PDE10A: variants seen among roughly 807,000 people sequenced by gnomAD.
The protein encoded by PDE10A is cAMP and cAMP-inhibited cGMP 3',5'-cyclic phosphodiesterase 10A.
Under a neutral mutation model 97.7 loss-of-function variants are expected in PDE10A, and 39 were observed. That is an observed-to-expected ratio of 0.40 (90% confidence interval 0.31 to 0.52). The LOEUF (loss-of-function observed/expected upper bound fraction) is 0.52, where lower values mean the gene tolerates loss of function less well. Ranked by LOEUF, PDE10A falls within the 20% of genes least tolerant of loss-of-function variation. The pLI is 0.56. For missense variants in PDE10A, 731 were observed against 1,047.8 expected, an observed-to-expected ratio of 0.70 and a Z score of 4.17; for synonymous variants, 371 against 376.8, an observed-to-expected ratio of 0.98 and a Z score of 0.18.
intron 1 of PDE10A, among the ~76,000 whole-genome samples, chr6:165,549,204 G>C (rs1442800978): frequency 6.6e-6 from 1 of 152,118 alleles, no homozygotes; most frequent in Non-Finnish European, 1.5e-5. Flanking sequence ...TCAATTTCAG[G>C]AAAATGGAAC....
chr6:165,727,353 A>G (rs1792325302), intron 1 of PDE10A, among the ~76,000 whole-genome samples: 1 of 152,208 alleles, frequency 6.6e-6, no homozygotes, highest in Non-Finnish European at 1.5e-5. Flanking sequence ...AGTTTGTGAG[A>G]CAAATCCAGC....
chr6:165,692,722 G>A (rs1791336579), intron 1 of PDE10A, among the ~76,000 whole-genome samples: 1 of 152,190 alleles, frequency 6.6e-6, no homozygotes, highest in Admixed American at 6.5e-5. Flanking sequence ...CAGGTTTTAT[G>A]TGTAGGGAGA....
At chr6:165,675,498 C>T (rs1790768833) in intron 1 of PDE10A, among the ~76,000 whole-genome samples, 1 of 152,074 alleles carries the variant, frequency 6.6e-6, no homozygotes, top group Non-Finnish European at 1.5e-5. Flanking sequence ...GACTTGTGTT[C>T]TATATTTAAA....
chr6:165,974,365 A>T (rs976438610), intron 1 of PDE10A, among the ~76,000 whole-genome samples: 1 of 152,210 alleles, frequency 6.6e-6, no homozygotes, highest in Non-Finnish European at 1.5e-5. Flanking sequence ...AACAATCCTC[A>T]TGCACCAGGG....
intron 1 of PDE10A, among the ~76,000 whole-genome samples, chr6:165,979,070 C>G (rs1296575860): frequency 6.6e-6 from 1 of 152,164 alleles, no homozygotes; most frequent in Non-Finnish European, 1.5e-5. Context: ...ACACACGCAC[C>G]AAGAGGACAT....
intron 13 of PDE10A, among the ~76,000 whole-genome samples, chr6:165,397,702 C>CAA (rs71026686): frequency 4.8e-4 from 42 of 88,218 alleles, no homozygotes; most frequent in East Asian, 1.5e-3. Context: ...AACTCCATCT[C>CAA]AAAAAAAAAA....
chr6:165,775,662 G>A (rs1284235180), intron 1 of PDE10A: 3 of 152,216 alleles, frequency 2.0e-5, no homozygotes, highest in African/African-American at 7.2e-5. Flanking sequence ...GAAAAAAGTC[G>A]TAGTGTTACT....
intron 1 of PDE10A, among the ~76,000 whole-genome samples, chr6:165,896,751 C>T (rs1781961133): frequency 6.6e-6 from 1 of 152,064 alleles, no homozygotes; most frequent in Non-Finnish European, 1.5e-5. Context: ...GTCTCGACCT[C>T]CTGACCTCGT....
At chr6:165,789,783 T>A (rs1778598675) in intron 1 of PDE10A, among the ~76,000 whole-genome samples, 1 of 149,722 alleles carries the variant, frequency 6.7e-6, no homozygotes. Flanking sequence ...ATGCTTTATC[T>A]TACTTTTCTC....
At chr6:165,435,090 A>G in intron 6 of PDE10A, 147 bp downstream of exon 6, 2 of 745,536 alleles carry the variant, frequency 2.7e-6, no homozygotes, top group East Asian at 5.4e-5. Context: ...CAAAAAATTA[A>G]CTTACACATT....
At chr6:165,698,767 G>A (rs572364354) in intron 1 of PDE10A, among the ~76,000 whole-genome samples, 1 of 152,250 alleles carries the variant, frequency 6.6e-6, no homozygotes, top group East Asian at 1.9e-4. Flanking sequence ...TTTGAACCCA[G>A]GAGGTGGAGG....
At chr6:165,873,448 A>G (rs1781255611) in intron 1 of PDE10A, among the ~76,000 whole-genome samples, 2 of 152,202 alleles carry the variant, frequency 1.3e-5, no homozygotes, top group Admixed American at 1.3e-4. Flanking sequence ...GAACATCTGT[A>G]AAACAGTGAT....
intron 18 of PDE10A, among the ~76,000 whole-genome samples, chr6:165,361,048 G>A (rs1221816066): frequency 6.6e-6 from 1 of 152,166 alleles, no homozygotes; most frequent in Non-Finnish European, 1.5e-5. Context: ...CAAATAGAAA[G>A]AAAAGGCAAA....
chr6:165,360,987 A>T (rs1000643662), intron 18 of PDE10A, among the ~76,000 whole-genome samples: 5 of 152,234 alleles, frequency 3.3e-5, no homozygotes, highest in Non-Finnish European at 7.3e-5. Flanking sequence ...AACAGGAACA[A>T]GAAGAATGCC....
At chr6:165,890,143 T>G (rs572225013) in intron 1 of PDE10A, among the ~76,000 whole-genome samples, 1 of 151,900 alleles carries the variant, frequency 6.6e-6, no homozygotes, top group African/African-American at 2.4e-5. Context: ...CCTGTGTGAC[T>G]TTAGCTGAAT....
chr6:165,734,486 A>C (rs1056274678), intron 1 of PDE10A, among the ~76,000 whole-genome samples: 32 of 152,230 alleles, frequency 2.1e-4, no homozygotes, highest in African/African-American at 7.2e-4. Context: ...TTCTTAGAAA[A>C]GGATCCAAAA....
At chr6:165,762,595 A>T (rs1195076156) in intron 1 of PDE10A, among the ~76,000 whole-genome samples, 1 of 152,220 alleles carries the variant, frequency 6.6e-6, no homozygotes. Flanking sequence ...ACATTATACA[A>T]TTATAGATAG....
rs543504300 is a variant in PDE10A, at chr6:165,537,216, T to C, written c.994+6224A>G. Among the ~76,000 whole-genome samples, 409 of 152,182 alleles carry C rather than the reference T, an allele frequency of 2.7e-3. 3 individuals are homozygous for C. Among genetic ancestry groups the C allele is most frequent in the South Asian group, 0.024 (115 of 4,828 alleles). On this transcript the variant is annotated intron_variant, in intron 2 of 21. Transcript: ENST00000539869. ...CAAAAATTGCATGTTCTTACTCATA[T>C]GTGAGAGGCTAGAAAAGGGATCTCA... is the stretch of plus-strand genomic sequence containing the variant.
intron 18 of PDE10A, among the ~76,000 whole-genome samples, chr6:165,370,775 C>T (rs1211619662): frequency 6.7e-6 from 1 of 148,936 alleles, no homozygotes; most frequent in African/African-American, 2.5e-5. Flanking sequence ...ACAGAATATA[C>T]ATTTTTTTCA....
Sources: gnomAD v4.1 joint callset for allele counts (sites outside exome capture counted in the v4.1 genomes callset) on GRCh38, gnomAD v4.1.1 for gene constraint, MANE v1.5 for transcripts, NCBI Gene and HGNC (gene_info 2026-07-23, HGNC 2026-07-21) for gene names.